Variants in CNTNAP2 observed in about 807,000 individuals in gnomAD.
CNTNAP2 encodes the protein contactin associated protein 2.
A neutral mutation model predicts 155.2 loss-of-function variants in CNTNAP2; 98 were observed. That is an observed-to-expected ratio of 0.63 (90% CI 0.54 to 0.75). The LOEUF (loss-of-function observed/expected upper bound fraction) is 0.75. CNTNAP2 is among the 30% of genes least tolerant of loss of function. The pLI is 0.00. For missense variants in CNTNAP2, 1,727 were observed against 1,688.1 expected, an observed-to-expected ratio of 1.02 and a Z score of -0.40; for synonymous variants, 651 against 631.2, an observed-to-expected ratio of 1.03 and a Z score of -0.47.
At chr7:148,313,952 T>C (rs1203355798) in intron 21 of CNTNAP2, among the ~76,000 whole-genome samples, 1 of 152,184 alleles carries the variant, frequency 6.6e-6, no homozygotes, top group Non-Finnish European at 1.5e-5. Context: ...ACCTTGACTA[T>C]GCCTTTAGCT....
chr7:147,083,812 C>T (rs944264930), intron 4 of CNTNAP2, among the ~76,000 whole-genome samples: 2 of 130,538 alleles, frequency 1.5e-5, no homozygotes, highest in Non-Finnish European at 3.1e-5. Flanking sequence ...CATGTATGTA[C>T]ATATTATATA....
intron 1 of CNTNAP2, among the ~76,000 whole-genome samples, chr7:146,464,624 G>A (rs114829746): frequency 1.1e-3 from 166 of 152,038 alleles, no homozygotes; most frequent in African/African-American, 3.7e-3. Context: ...CAATTCCACA[G>A]CTAATATTTT....
intron 1 of CNTNAP2, among the ~76,000 whole-genome samples, chr7:146,587,194 C>G (rs1241868968): frequency 6.6e-6 from 1 of 152,100 alleles, no homozygotes; most frequent in Non-Finnish European, 1.5e-5. Flanking sequence ...CCAGGCCGTT[C>G]CTTTCTTGGG....
At chr7:146,734,643 C>T (rs1563209494) in intron 1 of CNTNAP2, among the ~76,000 whole-genome samples, 1 of 151,916 alleles carries the variant, frequency 6.6e-6, no homozygotes, top group South Asian at 2.1e-4. Context: ...AGGTCTGAAC[C>T]AATATTTTAA....
intron 1 of CNTNAP2, among the ~76,000 whole-genome samples, chr7:146,356,885 G>A (rs757488276): frequency 6.6e-6 from 1 of 152,002 alleles, no homozygotes. Flanking sequence ...CAACCTGGGA[G>A]CCCACTGTAA....
chr7:146,897,469 G>T (rs1052912188), intron 3 of CNTNAP2, among the ~76,000 whole-genome samples: 2 of 152,022 alleles, frequency 1.3e-5, no homozygotes, highest in Non-Finnish European at 2.9e-5. Context: ...GCTCTTTATG[G>T]TTCGTGGAGG....
At chr7:148,160,339 A>C (rs1805495633) in intron 17 of CNTNAP2, among the ~76,000 whole-genome samples, 1 of 151,740 alleles carries the variant, frequency 6.6e-6, no homozygotes, top group Admixed American at 6.6e-5. Flanking sequence ...TGAACCCAGG[A>C]GGTCATAGCT....
chr7:147,936,414 G>C (rs7800043), intron 14 of CNTNAP2, among the ~76,000 whole-genome samples: 1 of 151,762 alleles, frequency 6.6e-6, no homozygotes, highest in African/African-American at 2.4e-5. Flanking sequence ...TGAAGACAGA[G>C]AAAAACTGGT....
chr7:147,273,213 A>G (rs1353584916), intron 8 of CNTNAP2, among the ~76,000 whole-genome samples: 1 of 152,054 alleles, frequency 6.6e-6, no homozygotes, highest in African/African-American at 2.4e-5. Flanking sequence ...CGAAATTTAC[A>G]GTCTACGTTG....
intron 15 of CNTNAP2, among the ~76,000 whole-genome samples, chr7:147,999,236 C>G (rs1443101628): frequency 6.6e-6 from 1 of 152,072 alleles, no homozygotes; most frequent in Non-Finnish European, 1.5e-5. Flanking sequence ...GCACGCACCA[C>G]CACACACAGC....
chr7:147,227,412 T>A (rs1271964988), intron 8 of CNTNAP2, among the ~76,000 whole-genome samples: 1 of 152,150 alleles, frequency 6.6e-6, no homozygotes, highest in Non-Finnish European at 1.5e-5. Context: ...ATCTGACTTG[T>A]GTTTTTTTAA....
At chr7:148,388,693 T>C (rs1317491794) in intron 22 of CNTNAP2, among the ~76,000 whole-genome samples, 2 of 152,166 alleles carry the variant, frequency 1.3e-5, no homozygotes, top group Non-Finnish European at 2.9e-5. Context: ...ATGATGGTGA[T>C]GTACAGATGG....
chr7:146,522,526 T>C (rs900296757), intron 1 of CNTNAP2, among the ~76,000 whole-genome samples: 1 of 151,946 alleles, frequency 6.6e-6, no homozygotes, highest in Non-Finnish European at 1.5e-5. Context: ...ATGTCTAAGA[T>C]AATACCATTT....
At chr7:147,214,321 C>A (rs1433316721) in intron 8 of CNTNAP2, among the ~76,000 whole-genome samples, 1 of 152,154 alleles carries the variant, frequency 6.6e-6, no homozygotes, top group African/African-American at 2.4e-5. Flanking sequence ...ACTCCAGGTT[C>A]ACACTGCATA....
intron 8 of CNTNAP2, among the ~76,000 whole-genome samples, chr7:147,180,940 A>G (rs1008753874): frequency 1.3e-5 from 2 of 152,248 alleles, no homozygotes; most frequent in Admixed American, 1.3e-4. Flanking sequence ...AAATTAATAT[A>G]TAGTAGCCAA....
At chr7:146,989,092 G>A (rs1467743201) in intron 3 of CNTNAP2, among the ~76,000 whole-genome samples, 1 of 152,070 alleles carries the variant, frequency 6.6e-6, no homozygotes, top group Non-Finnish European at 1.5e-5. Context: ...TGGCAACTCA[G>A]CATCATCTTT....
chr7:148,406,911 T>A (rs1799714558), intron 22 of CNTNAP2, among the ~76,000 whole-genome samples: 1 of 152,218 alleles, frequency 6.6e-6, no homozygotes, highest in African/African-American at 2.4e-5. Context: ...CTAAAGACTA[T>A]ATAAACCAAA....
At chr7:147,956,838 G>A (rs1422677618) in intron 14 of CNTNAP2, among the ~76,000 whole-genome samples, 3 of 152,102 alleles carry the variant, frequency 2.0e-5, no homozygotes, top group Non-Finnish European at 4.4e-5. Context: ...GAGGTGTGGA[G>A]GGAAAAAGTC....
At chr7:146,450,480 T>C (rs958441134) in intron 1 of CNTNAP2, among the ~76,000 whole-genome samples, 11 of 152,226 alleles carry the variant, frequency 7.2e-5, no homozygotes, top group Admixed American at 5.9e-4. Flanking sequence ...GATTAACTTA[T>C]ATGGGACCTA....
Sources: allele counts gnomAD v4.1 joint callset (sites outside exome capture counted in the v4.1 genomes callset), GRCh38; gene constraint gnomAD v4.1.1; transcripts MANE v1.5; gene names NCBI Gene and HGNC (gene_info 2026-07-23, HGNC 2026-07-21).